The following N4BP2 variants were observed in gnomAD, a reference collection of about 807,000 sequenced individuals.
N4BP2 encodes the protein NEDD4-binding protein 2.
A neutral mutation model predicts 152.8 loss-of-function variants in N4BP2; 91 were observed. The ratio of observed to expected loss-of-function variants is 0.60; its 90% CI spans 0.50 to 0.71. The LOEUF is 0.71. N4BP2 is among the 30% of genes least tolerant of loss of function. N4BP2 has a pLI of 0.00. For missense variants in N4BP2, 1,923 were observed against 2,059.1 expected (o/e 0.93, Z 1.28); for synonymous variants, 646 against 705.3 (o/e 0.92, Z 1.33).
In N4BP2 at chr4:40,139,197, T is replaced by C. The variant is rs1719675795; in HGVS notation, c.4785+2115T>C. Among the ~76,000 whole-genome samples the C allele has an allele frequency of 1.3e-5, 2 of 152,192 alleles. 1 individual carries two copies. The highest frequency in any genetic ancestry group is 4.1e-4 in the South Asian group (2 of 4,834). ...TATTGTAAATGTAAATGGAATTATTTCTTTTGTTTGTTTTGTTTCTTTCTG... is the reference window on the plus strand; with the variant it reads ...TATTGTAAATGTAAATGGAATTATTCCTTTTGTTTGTTTTGTTTCTTTCTG... On this transcript the variant is annotated intron_variant, in intron 14 of 17. Coordinates refer to ENST00000261435, the MANE Select transcript of N4BP2 (RefSeq NM_018177.6).
At chr4:40,108,236 G>T (rs1716513653) in intron 5 of N4BP2, among the ~76,000 whole-genome samples, 1 of 151,960 alleles carries the variant, frequency 6.6e-6, no homozygotes, top group Admixed American at 6.6e-5. Flanking sequence ...GCCCAGCCTG[G>T]TTACTGCTTT....
At position 40,102,264 on chromosome 4, in the gene N4BP2, A is replaced by T. The variant is rs769440498; in HGVS notation, c.419A>T (p.Glu140Val). ...TCATTTTTGGACATGCAGCTAACTG[A>T]AGACCTGGATTCCTTAATACAGAAT... ...MDSFLDMQLT[E>V]DLDSLIQNAF... is the part of the protein sequence containing the mutation. Residue 140 changes from glutamate (E) to valine (V), a missense_variant, in exon 4 of 18, where the codon GAA becomes GTA. Coordinates refer to ENST00000261435, the MANE Select transcript of N4BP2 (RefSeq NM_018177.6). The T allele has an allele frequency of 1.1e-5, 18 of 1,613,700 alleles. No homozygotes were observed. Among genetic ancestry groups the T allele is most frequent in the Non-Finnish European group, 1.5e-5 (18 of 1,179,876 alleles).
Position 40,102,086 on chromosome 4 carries a change from A to G in N4BP2, c.241A>G (p.Met81Val). Residue 81 changes from methionine to valine, a missense_variant, in exon 4 of 18, where the codon ATG (methionine) becomes GTG (valine). Met to Val is a conservative substitution (Grantham distance 21, BLOSUM62 1). Coordinates refer to ENST00000261435, the MANE Select transcript of N4BP2 (RefSeq NM_018177.6). Reference protein sequence around the residue: ...SECDFKVENAMDCLLELSATD... With the variant: ...SECDFKVENAVDCLLELSATD... ...TTGTTGTTGTACAGTTGAAAATGCTATGGATTGTCTATTAGAATTATCTGC... is the reference window on the plus strand; with the variant it reads ...TTGTTGTTGTACAGTTGAAAATGCTGTGGATTGTCTATTAGAATTATCTGC... 1.3e-6 allele frequency: 2 copies of G among 1,583,356 alleles called. No individual in the cohort carries two copies. Among genetic ancestry groups the G allele is most frequent in the Non-Finnish European group, 1.7e-6 (2 of 1,163,938 alleles).
At chr4:40,109,004 A>G (rs542639903) in intron 5 of N4BP2, among the ~76,000 whole-genome samples, 1 of 151,924 alleles carries the variant, frequency 6.6e-6, no homozygotes, top group Admixed American at 6.6e-5. Flanking sequence ...TTTAGTAGAG[A>G]CAGGGTTTCA....
chr4:40,111,933 T>A (rs1716924516), intron 5 of N4BP2, 151 bp from the exon 6 acceptor site: 1 of 515,838 alleles, frequency 1.9e-6, no homozygotes. Flanking sequence ...ACTTACTTAA[T>A]TTTTATGTCC....
chr4:40,114,655 G>GT (rs961337951), intron 7 of N4BP2, among the ~76,000 whole-genome samples: 4 of 152,102 alleles, frequency 2.6e-5, no homozygotes, highest in African/African-American at 4.8e-5. Flanking sequence ...TTGACCTACA[G>GT]TTTTTTTATT....
chr4:40,092,013 TATATATA>T (rs1560584905), intron 2 of N4BP2, among the ~76,000 whole-genome samples: 17 of 54,140 alleles, frequency 3.1e-4, no homozygotes, highest in African/African-American at 9.5e-4. Flanking sequence ...AAAAATTATA[TATATATA>T]TATATATATA....
chr4:40,179,345 G>A, the N4BP2 span, among the ~76,000 whole-genome samples: 2 of 152,186 alleles, frequency 1.3e-5, no homozygotes, highest in Non-Finnish European at 2.9e-5. Context: ...ACTCCAGCCT[G>A]GGCGACAGAG....
the N4BP2 span, among the ~76,000 whole-genome samples, chr4:40,189,431 A>G: frequency 1.3e-5 from 2 of 152,170 alleles, no homozygotes; most frequent in African/African-American, 4.8e-5. The surrounding 1 kb of genome is among the most constrained non-coding windows in gnomAD (Gnocchi z 4.3). Context: ...TGGGGCTGAG[A>G]GATGAGCACC....
chr4:40,105,051 C>A (rs1716122180), intron 4 of N4BP2, among the ~76,000 whole-genome samples: 1 of 152,158 alleles, frequency 6.6e-6, no homozygotes, highest in Admixed American at 6.5e-5. Flanking sequence ...ATCCGCCCGC[C>A]TCGGCCTCCC....
At chr4:40,106,327 A>AT (rs1319664885) in intron 4 of N4BP2, among the ~76,000 whole-genome samples, 2 of 151,418 alleles carry the variant, frequency 1.3e-5, no homozygotes, top group African/African-American at 2.4e-5. Flanking sequence ...TTTGTGTTTA[A>AT]TTTTTTTTCT....
Position 40,131,787 on chromosome 4 carries a change from T to C in N4BP2, c.4528-14T>C, listed in dbSNP as rs201085128. The stretch of plus-strand genomic sequence containing the variant: ...CATTTCATCTTGAACATGATTTTTA[T>C]GTTTTTGTTTTAGAAAAGGGAGACC... On this transcript the variant is annotated splice_polypyrimidine_tract_variant and intron_variant, in intron 12 of 17. Coordinates refer to ENST00000261435, the MANE Select transcript of N4BP2 (RefSeq NM_018177.6). 81 of 1,571,496 alleles carry C rather than the reference T, an allele frequency of 5.2e-5. No individual in the cohort carries two copies. Among genetic ancestry groups the C allele is most frequent in the Non-Finnish European group, 7.0e-5 (80 of 1,143,562 alleles).
chr4:40,107,838 A>G (rs1716471532), intron 5 of N4BP2, among the ~76,000 whole-genome samples: 1 of 152,114 alleles, frequency 6.6e-6, no homozygotes, highest in Admixed American at 6.6e-5. Context: ...TATTTAAGTT[A>G]TCAGTAGGGA....
intron 14 of N4BP2, among the ~76,000 whole-genome samples, 153 bp from the exon 15 acceptor site, chr4:40,142,520 C>G (rs1340566646): frequency 6.6e-6 from 1 of 152,156 alleles, no homozygotes. Context: ...AAATGCCTGA[C>G]TTACAAGGTA....
chr4:40,166,082 A>G, the N4BP2 span, among the ~76,000 whole-genome samples: 1 of 151,980 alleles, frequency 6.6e-6, no homozygotes, highest in African/African-American at 2.4e-5. Flanking sequence ...CCTCCCTCCC[A>G]TTTGTTTTAT....
chr4:40,179,357 G>A, the N4BP2 span, among the ~76,000 whole-genome samples: 1 of 152,164 alleles, frequency 6.6e-6, no homozygotes, highest in South Asian at 2.1e-4. Flanking sequence ...GCGACAGAGT[G>A]AGACTCCATC....
intron 2 of N4BP2, among the ~76,000 whole-genome samples, chr4:40,090,271 G>A (rs1461926427): frequency 6.6e-6 from 1 of 151,964 alleles, no homozygotes; most frequent in African/African-American, 2.4e-5. Context: ...TAGTTCCTTT[G>A]TCTTATCAAT....
downstream of N4BP2, among the ~76,000 whole-genome samples, chr4:40,158,708 G>A (rs1721774340): frequency 6.6e-6 from 1 of 151,992 alleles, no homozygotes; most frequent in Admixed American, 6.6e-5. Flanking sequence ...GGGAGGTGGA[G>A]GTTGCGATGA....
Position 40,113,501 on chromosome 4 carries a change from C to CGG in N4BP2, c.1657_1658insGG (p.Leu553ArgfsTer10), listed in dbSNP as rs769764235. The CGG allele has an allele frequency of 1.4e-5, 23 of 1,611,930 alleles. No homozygotes were observed. Among genetic ancestry groups the CGG allele is most frequent in the Non-Finnish European group, 1.7e-5 (20 of 1,178,510 alleles). On this transcript the variant is annotated frameshift_variant, in exon 7 of 18. Transcript: ENST00000261435. LOFTEE classifies it high-confidence loss of function. ...ATGGTGGAAGTTTAAACCAAAGGAA[C>CGG]TTGCAAGGTAAAACTTGGAGGCTAC...
Sources: gnomAD v4.1 joint callset for allele counts (sites outside exome capture counted in the v4.1 genomes callset) on GRCh38, gnomAD v4.1.1 for gene constraint, Gnocchi (gnomAD v3.1) non-coding constraint, MANE v1.5 for transcripts, NCBI Gene and HGNC (gene_info 2026-07-23, HGNC 2026-07-21) for gene names.